The following PPM1H variants were observed in gnomAD, a reference collection of about 807,000 sequenced individuals.
The protein encoded by PPM1H is protein phosphatase, Mg2+/Mn2+ dependent 1H.
Under a neutral mutation model 54.9 loss-of-function variants are expected in PPM1H, and 27 were observed. The ratio of observed to expected loss-of-function variants is 0.49; its 90% CI spans 0.36 to 0.68. PPM1H has a LOEUF of 0.68. PPM1H is among the 30% of genes least tolerant of loss of function. The probability of loss-of-function intolerance (pLI) is 0.00; values close to 1 mark genes in which losing one functional copy is unlikely to be tolerated. For synonymous variants in PPM1H, 305 were observed against 270.8 expected, an observed-to-expected ratio of 1.13 and a Z score of -1.24; for missense variants, 596 against 667.8, an observed-to-expected ratio of 0.89 and a Z score of 1.19.
At chr12:62,680,259 C>T (rs1288879347) in intron 8 of PPM1H, among the ~76,000 whole-genome samples, 1 of 151,142 alleles carries the variant, frequency 6.6e-6, no homozygotes. Context: ...CCTCTTTCCT[C>T]TTTCCCCCTC....
At chr12:62,760,907 C>G (rs2120610286) in intron 4 of PPM1H, among the ~76,000 whole-genome samples, 1 of 152,334 alleles carries the variant, frequency 6.6e-6, no homozygotes, top group South Asian at 2.1e-4. Flanking sequence ...CAGTCATACT[C>G]TGCTCCGGGA....
At chr12:62,672,148 CAG>C (rs1181279240) in intron 8 of PPM1H, among the ~76,000 whole-genome samples, 2 of 152,164 alleles carry the variant, frequency 1.3e-5, no homozygotes, top group Admixed American at 6.5e-5. Flanking sequence ...CCTTTAGGTA[CAG>C]AGAGTGATAC....
intron 9 of PPM1H, among the ~76,000 whole-genome samples, chr12:62,649,490 A>G (rs2075804751): frequency 6.6e-6 from 1 of 152,226 alleles, no homozygotes; most frequent in African/African-American, 2.4e-5. Flanking sequence ...TAAAAAAATG[A>G]GACAAAACAT....
At position 62,844,397 on chromosome 12, in the gene PPM1H, G is replaced by C. The variant is rs893610817; in HGVS notation, c.246-12118C>G. ...AGGGGGGCGTCTTATCTCTGATGCT[G>C]CTTCTTCATTGCTAATCATTTATAG... On this transcript the variant is annotated intron_variant, in intron 1 of 9. Transcript: ENST00000228705. The surrounding 1 kb of genome is among the most constrained non-coding windows in gnomAD (Gnocchi z 5.2). Among the ~76,000 whole-genome samples, 5 of 152,182 alleles carry C rather than the reference G, an allele frequency of 3.3e-5. No individual in the cohort carries two copies. The highest frequency in any genetic ancestry group is 7.3e-5 in the Non-Finnish European group (5 of 68,028).
chr12:62,787,788 C>T (rs2076681625), intron 4 of PPM1H, among the ~76,000 whole-genome samples: 1 of 152,220 alleles, frequency 6.6e-6, no homozygotes. Flanking sequence ...GCAACTGCAG[C>T]TTCTAAGGGA....
chr12:62,913,487 A>G (rs1248598068), intron 1 of PPM1H, among the ~76,000 whole-genome samples: 1 of 151,976 alleles, frequency 6.6e-6, no homozygotes, highest in African/African-American at 2.4e-5. Flanking sequence ...CCATGCACCC[A>G]CACTCGCTTT....
intron 2 of PPM1H, among the ~76,000 whole-genome samples, chr12:62,825,813 C>T (rs896770911): frequency 3.8e-4 from 57 of 150,480 alleles, no homozygotes; most frequent in African/African-American, 1.3e-3. Context: ...AGCAAACCAA[C>T]ATGGCACACA....
chr12:62,682,749 C>T (rs2076026528), intron 8 of PPM1H, among the ~76,000 whole-genome samples: 2 of 152,114 alleles, frequency 1.3e-5, no homozygotes. Context: ...GGTGATCCTC[C>T]CACTTCAGCC....
intron 1 of PPM1H, among the ~76,000 whole-genome samples, chr12:62,857,243 A>T (rs1448642735): frequency 6.6e-6 from 1 of 152,114 alleles, no homozygotes; most frequent in Non-Finnish European, 1.5e-5. Flanking sequence ...CAAATAAAGG[A>T]AGGAAGGAAG....
At chr12:62,732,433 TG>T (rs1450621073) in intron 5 of PPM1H, among the ~76,000 whole-genome samples, 1 of 152,170 alleles carries the variant, frequency 6.6e-6, no homozygotes, top group Non-Finnish European at 1.5e-5. Flanking sequence ...TGGATCAAAA[TG>T]GTTCATGTAG....
At chr12:62,800,542 T>C (rs1384640116) in intron 3 of PPM1H, among the ~76,000 whole-genome samples, 1 of 152,052 alleles carries the variant, frequency 6.6e-6, no homozygotes, top group Non-Finnish European at 1.5e-5. Flanking sequence ...TTGCACCTTA[T>C]TCACCAGGCT....
chr12:62,869,958 C>A (rs186843466), intron 1 of PPM1H, among the ~76,000 whole-genome samples: 54 of 152,224 alleles, frequency 3.5e-4, no homozygotes, highest in African/African-American at 1.3e-3. Context: ...CCCAATCCTT[C>A]ATCGAGGAGC....
chr12:62,907,820 C>T (rs572333828), intron 1 of PPM1H, among the ~76,000 whole-genome samples: 56 of 152,272 alleles, frequency 3.7e-4, no homozygotes, highest in South Asian at 6.2e-4. Context: ...AGGTGCCTAA[C>T]AACCAATGCA....
At chr12:62,889,743 A>G (rs1250470647) in intron 1 of PPM1H, among the ~76,000 whole-genome samples, 1 of 152,196 alleles carries the variant, frequency 6.6e-6, no homozygotes, top group Non-Finnish European at 1.5e-5. Context: ...ATGACTCTAG[A>G]CACAGATTTT....
In PPM1H at chr12:62,915,603, T is replaced by A. The variant is rs1268597908; in HGVS notation, c.245+18889A>T. Among the ~76,000 whole-genome samples the A allele has an allele frequency of 2.6e-5, 4 of 152,170 alleles. No individual in the cohort carries two copies. In the East Asian group the frequency reaches 7.7e-4, roughly 29 times the overall value. On this transcript the variant is annotated intron_variant, in intron 1 of 9. Transcript: ENST00000228705. ...CTCCCACTTCCCCTTCAATCCTGGA[T>A]ACATTGCATACAGGCGTACCCAAGA...
intron 1 of PPM1H, among the ~76,000 whole-genome samples, chr12:62,885,918 G>A (rs981159738): frequency 2.6e-5 from 4 of 152,104 alleles, no homozygotes; most frequent in African/African-American, 9.7e-5. Flanking sequence ...AGTAACATCA[G>A]GGCTATAAAA....
chr12:62,661,073 C>T (rs2075880037), intron 9 of PPM1H, among the ~76,000 whole-genome samples: 1 of 152,176 alleles, frequency 6.6e-6, no homozygotes, highest in Non-Finnish European at 1.5e-5. Context: ...CATCTGTTGA[C>T]ATTCTGCTCC....
At chr12:62,891,248 T>C (rs620883) in intron 1 of PPM1H, among the ~76,000 whole-genome samples, 1,590 of 152,128 alleles carry the variant, frequency 0.01, 36 homozygotes, top group African/African-American at 0.036. Context: ...ACTCATATCA[T>C]ACCTATATGG....
At chr12:62,659,269 C>G in intron 9 of PPM1H, 1 of 88,036 alleles carries the variant, frequency 1.1e-5, no homozygotes, top group Non-Finnish European at 2.2e-5. Context: ...GTAAAAACTG[C>G]AAAAAAAAAA....
Sources: gnomAD v4.1 joint callset for allele counts (sites outside exome capture counted in the v4.1 genomes callset) on GRCh38, gnomAD v4.1.1 for gene constraint, Gnocchi (gnomAD v3.1) non-coding constraint, MANE v1.5 for transcripts, NCBI Gene and HGNC (gene_info 2026-07-23, HGNC 2026-07-21) for gene names.